IAH1: variants seen among roughly 807,000 people sequenced by gnomAD.
IAH1 encodes isoamyl acetate-hydrolyzing esterase 1 homolog.
IAH1 carries 24 observed loss-of-function variants against 26.7 expected under a neutral mutation model. The ratio of observed to expected loss-of-function variants is 0.90; its 90% confidence interval spans 0.65 to 1.26. IAH1 has a LOEUF of 1.26. Among genes scored for constraint, IAH1 ranks in the 50% most tolerant of loss-of-function variants. The pLI is 0.00. For missense variants in IAH1, 300 were observed against 299.9 expected (o/e 1.00, Z 0.00); for synonymous variants, 140 against 118.5 (o/e 1.18, Z -1.18).
At chr2:9,482,030 C>CTTTT (rs1313748153) in intron 4 of IAH1, among the ~76,000 whole-genome samples, 4 of 96,448 alleles carry the variant, frequency 4.1e-5, no homozygotes, top group Non-Finnish European at 6.8e-5. Flanking sequence ...TATGGAAGTT[C>CTTTT]TCTTTTTTTT....
rs1392346077 is a variant in IAH1 at position 9,474,662 on chromosome 2, ACGCTCGGCCTCCCGCCCCGG to A, written c.81+17_81+36del. 5 of 1,531,324 alleles carry A rather than the reference ACGCTCGGCCTCCCGCCCCGG, an allele frequency of 3.3e-6. No homozygotes were observed. In the African/African-American group the frequency reaches 7.2e-5, roughly 22 times the overall value. The allele number at this position is 1,531,324 out of a possible 1,614,324, so 94.9% of individuals were successfully genotyped here. The stretch of plus-strand genomic sequence containing the variant: ...CCATCACCCAGGTACGGCCGCCCCG[ACGCTCGGCCTCCCGCCCCGG>A]CCTCCCTGCGGGGTCGCTGCCGAGC... On this transcript the variant is annotated intron_variant, in intron 1 of 5. Transcript: ENST00000497473. This position sits in a 1 kb window ranked among gnomAD's most constrained non-coding sequence, Gnocchi z 4.3.
In IAH1 at chr2:9,478,388, G is replaced by A; in HGVS notation, c.283+18G>A. ...ACTAAAAGGTAAAAGCATTTTTGAT[G>A]TTCTTCTAGCTCACTTTTAATCATT... On this transcript the variant is annotated intron_variant, in intron 3 of 5. Coordinates refer to ENST00000497473, the MANE Select transcript of IAH1 (RefSeq NM_001039613.3). 1.9e-6 allele frequency: 3 copies of A among 1,574,914 alleles called. No homozygotes were observed. The highest frequency in any genetic ancestry group is 2.6e-6 in the Non-Finnish European group (3 of 1,159,062).
downstream of IAH1, chr2:9,490,336 C>G (rs766251160): frequency 6.2e-7 from 1 of 1,613,982 alleles, no homozygotes. Context: ...CATCCTCGTC[C>G]ATATGTGAGT....
chr2:9,475,227 T>C, intron 1 of IAH1: 2 of 1,285,786 alleles, frequency 1.6e-6, no homozygotes, highest in Non-Finnish European at 2.0e-6. Flanking sequence ...GGTTCTTACT[T>C]CGGGGAGGGA....
At chr2:9,494,987 C>G (rs1031126040) in intron 6 of IAH1, 8 of 412,564 alleles carry the variant, frequency 1.9e-5, no homozygotes, top group Middle Eastern at 7.1e-4. Context: ...AAAAAAAATG[C>G]AGAGAAAAAT....
chr2:9,487,135 G>A (rs559926098), intron 5 of IAH1, among the ~76,000 whole-genome samples: 2 of 152,266 alleles, frequency 1.3e-5, no homozygotes, highest in East Asian at 1.9e-4. Context: ...CAGCTGCTCA[G>A]GGGGCTGAGG....
downstream of IAH1, chr2:9,492,891 G>GACTT: frequency 1.9e-6 from 3 of 1,603,572 alleles, no homozygotes; most frequent in Non-Finnish European, 1.7e-6. Context: ...AAAAGTTGAT[G>GACTT]ACTTACCACA....
chr2:9,497,315 AT>A, downstream of IAH1: 1 of 1,586,718 alleles, frequency 6.3e-7, no homozygotes, highest in African/African-American at 1.3e-5. Context: ...CAGGTGCATA[AT>A]ACGCTGTTTC....
chr2:9,503,720 C>T, the IAH1 span, among the ~76,000 whole-genome samples: 1 of 151,900 alleles, frequency 6.6e-6, no homozygotes, highest in Non-Finnish European at 1.5e-5. Context: ...ACACTGTAAT[C>T]CCAGCTACTG....
At chr2:9,504,377 G>A in the IAH1 span, among the ~76,000 whole-genome samples, 5 of 149,934 alleles carry the variant, frequency 3.3e-5, no homozygotes, top group Non-Finnish European at 5.9e-5. Context: ...CCTGGGAGGC[G>A]GAGATTGCAG....
the IAH1 span, among the ~76,000 whole-genome samples, chr2:9,504,703 A>G: frequency 2.0e-5 from 3 of 150,628 alleles, no homozygotes; most frequent in Non-Finnish European, 4.4e-5. Flanking sequence ...CAAAGATTGC[A>G]GTAAGCCAAG....
At chr2:9,501,911 C>T in the IAH1 span, among the ~76,000 whole-genome samples, 1 of 151,804 alleles carries the variant, frequency 6.6e-6, no homozygotes, top group Non-Finnish European at 1.5e-5. Context: ...CAAGGATATA[C>T]ACATATCCAG....
the IAH1 span, among the ~76,000 whole-genome samples, chr2:9,508,047 G>A: frequency 1.3e-5 from 2 of 152,150 alleles, no homozygotes; most frequent in Non-Finnish European, 2.9e-5. Context: ...AAGAGCCCCA[G>A]AACTGGCAGC....
chr2:9,476,485 G>C (rs1197405968), intron 2 of IAH1, among the ~76,000 whole-genome samples: 1 of 152,222 alleles, frequency 6.6e-6, no homozygotes, highest in Non-Finnish European at 1.5e-5. Flanking sequence ...AGGGTCTCTT[G>C]TTAGGCGCGT....
chr2:9,500,549 T>A (rs1662936538), downstream of IAH1, among the ~76,000 whole-genome samples: 1 of 152,186 alleles, frequency 6.6e-6, no homozygotes, highest in South Asian at 2.1e-4. Context: ...GCAAACTACA[T>A]GAGTGTGAAT....
upstream of IAH1, chr2:9,474,493 C>T (rs1682349262): frequency 3.3e-6 from 3 of 916,974 alleles, no homozygotes; most frequent in South Asian, 2.4e-5. The surrounding 1 kb of genome is among the most constrained non-coding windows in gnomAD (Gnocchi z 4.3). Context: ...GCCCGGCTCC[C>T]GCAACCCACG....
Position 9,488,515 on chromosome 2 carries a change from A to G in IAH1, c.*186A>G, listed in dbSNP as rs1463512022. On this transcript the variant is annotated 3_prime_UTR_variant, in exon 6 of 6. Coordinates refer to ENST00000497473, the MANE Select transcript of IAH1 (RefSeq NM_001039613.3). ...GTTTCGACAGTATTTATTAATGCAG[A>G]TATCAGTGCTACAGCTATAAAATAT... 6.2e-6 allele frequency: 3 copies of G among 480,116 alleles called. No homozygotes were observed. Among genetic ancestry groups the G allele is most frequent in the East Asian group, 6.6e-5 (2 of 30,302 alleles). 29.7% of individuals were successfully genotyped at this position (480,116 alleles called of 1,614,324 possible).
chr2:9,488,153 T>C lies in IAH1; in HGVS notation c.571T>C (p.Ser191Pro), dbSNP rs1482212905. 4 of 1,603,436 alleles carry C rather than the reference T, an allele frequency of 2.5e-6. No individual in the cohort carries two copies. The highest frequency in any genetic ancestry group is 3.4e-6 in the Non-Finnish European group (4 of 1,176,048). Residue 191 changes from serine (S) to proline (P), a missense_variant, in exon 6 of 6, where the codon TCA becomes CCA. Ser to Pro is a moderately conservative substitution (Grantham distance 74, BLOSUM62 -1). Coordinates refer to ENST00000497473, the MANE Select transcript of IAH1 (RefSeq NM_001039613.3). ...CGATTTCTCTCCCTTCTAGGACTTC[T>C]CATCTTATTTATCAGATGGACTACA... ...WTLMQDSQDFSSYLSDGLHLS... is the reference protein window; with the variant it reads ...WTLMQDSQDFPSYLSDGLHLS...
chr2:9,478,118 G>A (rs1199699922), intron 2 of IAH1, 104 bp from the exon 3 acceptor site: 1 of 998,660 alleles, frequency 1.0e-6, no homozygotes, highest in African/African-American at 1.6e-5. Flanking sequence ...AGAGACACGT[G>A]ACGGGTTTAG....
Sources: allele counts gnomAD v4.1 joint callset (sites outside exome capture counted in the v4.1 genomes callset), GRCh38; gene constraint gnomAD v4.1.1; non-coding constraint Gnocchi (gnomAD v3.1); transcripts MANE v1.5; gene names NCBI Gene and HGNC (gene_info 2026-07-23, HGNC 2026-07-21).